Variants in ITGA9 observed in about 807,000 individuals in gnomAD.
ITGA9 encodes integrin alpha-9.
Under a neutral mutation model 127.8 loss-of-function variants are expected in ITGA9, and 56 were observed. That is an observed-to-expected ratio of 0.44 (90% CI 0.35 to 0.55). The LOEUF (loss-of-function observed/expected upper bound fraction) is 0.55, where lower values mean the gene tolerates loss of function less well. Among genes scored for constraint, ITGA9 ranks in the 20% least tolerant of loss-of-function variants. ITGA9 has a pLI of 0.00. For missense variants in ITGA9, 1,196 were observed against 1,347.1 expected (o/e 0.89, Z 1.76); for synonymous variants, 508 against 514.5 (o/e 0.99, Z 0.17).
intron 17 of ITGA9, among the ~76,000 whole-genome samples, chr3:37,681,441 C>T (rs978672239): frequency 1.2e-4 from 18 of 152,146 alleles, no homozygotes; most frequent in Non-Finnish European, 2.4e-4. Context: ...CTTGATCACC[C>T]TTAGATCACA....
chr3:37,473,240 T>A, intron 2 of ITGA9, 114 bp from the exon 3 acceptor site: 1 of 744,826 alleles, frequency 1.3e-6, no homozygotes, highest in Non-Finnish European at 2.4e-6. Context: ...TGGAGTTGAT[T>A]TACATTTTGT....
chr3:37,624,212 T>TTTTTTC (rs1700155483), intron 15 of ITGA9, among the ~76,000 whole-genome samples: 1 of 145,460 alleles, frequency 6.9e-6, no homozygotes, highest in African/African-American at 2.6e-5. Context: ...TTTTTTTTTT[T>TTTTTTC]TTTTTTTTTT....
intron 15 of ITGA9, among the ~76,000 whole-genome samples, chr3:37,551,930 G>A (rs978933894): frequency 6.6e-6 from 1 of 152,238 alleles, no homozygotes; most frequent in Non-Finnish European, 1.5e-5. Context: ...CTATGTTTTC[G>A]TGAAGGCATA....
At chr3:37,719,067 G>A (rs1421070753) in intron 18 of ITGA9, among the ~76,000 whole-genome samples, 2 of 152,198 alleles carry the variant, frequency 1.3e-5, no homozygotes, top group Non-Finnish European at 2.9e-5. Flanking sequence ...CAAAAACAAA[G>A]TGTCATATTG....
intron 16 of ITGA9, among the ~76,000 whole-genome samples, chr3:37,652,921 G>A (rs1348531179): frequency 1.3e-5 from 2 of 152,184 alleles, no homozygotes; most frequent in African/African-American, 4.8e-5. Context: ...TCCATGGACC[G>A]TAGAAGAAAG....
intron 15 of ITGA9, among the ~76,000 whole-genome samples, chr3:37,580,370 G>A (rs1699698451): frequency 6.6e-6 from 1 of 152,226 alleles, no homozygotes; most frequent in South Asian, 2.1e-4. Flanking sequence ...TGGAAGGGAA[G>A]GAAACTCTGA....
At chr3:37,563,792 T>C (rs1433822868) in intron 15 of ITGA9, among the ~76,000 whole-genome samples, 1 of 152,216 alleles carries the variant, frequency 6.6e-6, no homozygotes, top group Non-Finnish European at 1.5e-5. Context: ...TGGGTGTGGC[T>C]TGGTTTCTCA....
intron 4 of ITGA9, among the ~76,000 whole-genome samples, chr3:37,488,790 T>A (rs1698637238): frequency 6.7e-6 from 1 of 150,334 alleles, no homozygotes; most frequent in Non-Finnish European, 1.5e-5. Flanking sequence ...AGAATGAGAC[T>A]CTGTCTCAAA....
chr3:37,688,804 A>G (rs918136437), intron 18 of ITGA9, among the ~76,000 whole-genome samples: 3 of 149,950 alleles, frequency 2.0e-5, no homozygotes, highest in Non-Finnish European at 3.0e-5. Context: ...CACAGAATAG[A>G]TGGATGGATG....
intron 16 of ITGA9, among the ~76,000 whole-genome samples, chr3:37,640,501 C>A (rs1052335812): frequency 6.6e-6 from 1 of 152,118 alleles, no homozygotes; most frequent in Non-Finnish European, 1.5e-5. Flanking sequence ...AGTGGATTCT[C>A]CCCCAGGGCC....
At chr3:37,588,689 CTCTTGCCTGGG>C (rs1350497557) in intron 15 of ITGA9, among the ~76,000 whole-genome samples, 1 of 152,182 alleles carries the variant, frequency 6.6e-6, no homozygotes, top group Non-Finnish European at 1.5e-5. Context: ...GTAAGGGCCC[CTCTTGCCTGGG>C]TCTTACCCAG....
At chr3:37,807,291 G>A (rs1050506263) in intron 27 of ITGA9, 13 of 152,194 alleles carry the variant, frequency 8.5e-5, no homozygotes, top group African/African-American at 2.4e-4. Flanking sequence ...TTAGCACTGC[G>A]CTTAGCACAC....
rs553111663 is a variant in ITGA9, at chr3:37,673,187, G to A, written c.1917-10678G>A. 2.4e-4 allele frequency among the ~76,000 whole-genome samples: 36 copies of A among 152,210 alleles called. 1 individual carries two copies. The East Asian group carries it at 5.2e-3, about 22-fold the overall frequency. On this transcript the variant is annotated intron_variant, in intron 17 of 27. Coordinates refer to ENST00000264741, the MANE Select transcript of ITGA9 (RefSeq NM_002207.3). ...TCGGAGCTTTCATTGCATGAAAACC[G>A]ACTCCATTTTAGTACCTCGTTGCAC...
intron 16 of ITGA9, among the ~76,000 whole-genome samples, chr3:37,644,584 A>T (rs1700360568): frequency 6.6e-6 from 1 of 152,150 alleles, no homozygotes; most frequent in Admixed American, 6.5e-5. Context: ...AATATATACC[A>T]TGTTTTTAAA....
intron 15 of ITGA9, among the ~76,000 whole-genome samples, chr3:37,617,427 G>C (rs1181152607): frequency 5.3e-5 from 8 of 152,148 alleles, no homozygotes; most frequent in South Asian, 2.1e-4. Flanking sequence ...TGGTGAATCT[G>C]ACAATTATGT....
chr3:37,707,878 G>A (rs1701024436), intron 18 of ITGA9, among the ~76,000 whole-genome samples: 1 of 152,180 alleles, frequency 6.6e-6, no homozygotes, highest in Non-Finnish European at 1.5e-5. Context: ...TTGGCTGGCA[G>A]CACAGGCTCT....
chr3:37,542,346 TC>T, intron 14 of ITGA9, 78 bp from the exon 15 acceptor site: 1 of 1,472,186 alleles, frequency 6.8e-7, no homozygotes, highest in Non-Finnish European at 9.5e-7. Context: ...GTGCATGTGA[TC>T]CTGTGACAAG....
At chr3:37,786,538 A>G (rs1351659349) in intron 26 of ITGA9, among the ~76,000 whole-genome samples, 3 of 152,140 alleles carry the variant, frequency 2.0e-5, no homozygotes, top group Admixed American at 1.3e-4. Flanking sequence ...GGTTGCAGTG[A>G]GCCAAGATCA....
chr3:37,471,773 G>A (rs1444868554), intron 2 of ITGA9, among the ~76,000 whole-genome samples: 1 of 152,130 alleles, frequency 6.6e-6, no homozygotes. Flanking sequence ...CTCACTTTGC[G>A]CTGGGCATGG....
Sources: gnomAD v4.1 joint callset for allele counts (sites outside exome capture counted in the v4.1 genomes callset) on GRCh38, gnomAD v4.1.1 for gene constraint, MANE v1.5 for transcripts, NCBI Gene and HGNC (gene_info 2026-07-23, HGNC 2026-07-21) for gene names.